Variants in TBC1D30 observed in about 807,000 individuals in gnomAD.
The protein encoded by TBC1D30 is TBC1 domain family member 30.
Under a neutral mutation model 63.2 loss-of-function variants are expected in TBC1D30, and 31 were observed. The observed-to-expected ratio is 0.49, with a 90% CI of 0.37 to 0.66. The LOEUF is 0.66. Among genes scored for constraint, TBC1D30 ranks in the 30% least tolerant of loss-of-function variants. TBC1D30 has a pLI of 0.00. For missense variants in TBC1D30, 810 were observed against 953.6 expected, an observed-to-expected ratio of 0.85 and a Z score of 1.98; for synonymous variants, 307 against 361.5, an observed-to-expected ratio of 0.85 and a Z score of 1.71.
At chr12:64,857,951 T>C (rs1427373479) in intron 8 of TBC1D30, among the ~76,000 whole-genome samples, 4 of 152,208 alleles carry the variant, frequency 2.6e-5, no homozygotes, top group African/African-American at 4.8e-5. Flanking sequence ...TTTCTCCATG[T>C]CTTATGGCCA....
intron 8 of TBC1D30, among the ~76,000 whole-genome samples, chr12:64,864,392 A>C (rs1878040677): frequency 6.6e-6 from 1 of 152,196 alleles, no homozygotes; most frequent in South Asian, 2.1e-4. Flanking sequence ...GAACAACAGG[A>C]GGAAATCAGA....
At chr12:64,762,596 A>G (rs186159782) in intron 1 of TBC1D30, among the ~76,000 whole-genome samples, 1 of 152,354 alleles carries the variant, frequency 6.6e-6, no homozygotes, top group Admixed American at 6.5e-5. Context: ...AAAACAAAAT[A>G]TAACGTTATA....
intron 8 of TBC1D30, among the ~76,000 whole-genome samples, chr12:64,845,722 G>A (rs1163198082): frequency 1.1e-4 from 6 of 53,518 alleles, no homozygotes; most frequent in Admixed American, 2.3e-4. Context: ...GTGAGACTCC[G>A]TCTCAAAAAA....
chr12:64,802,039 G>A (rs1167595198), intron 2 of TBC1D30, among the ~76,000 whole-genome samples: 1 of 152,064 alleles, frequency 6.6e-6, no homozygotes, highest in Non-Finnish European at 1.5e-5. Context: ...GCACGAACAA[G>A]TACTTGTTTG....
intron 2 of TBC1D30, among the ~76,000 whole-genome samples, chr12:64,807,578 C>T (rs1184777976): frequency 6.6e-6 from 1 of 152,122 alleles, no homozygotes; most frequent in African/African-American, 2.4e-5. Flanking sequence ...TCTCAAGTCA[C>T]ATGGGTAGTT....
Position 64,878,538 on chromosome 12 carries a change from C to T in TBC1D30, c.*2750C>T, listed in dbSNP as rs1323086606. The T allele has an allele frequency of 2.2e-6, 1 of 456,670 alleles. No individual in the cohort carries two copies. Among genetic ancestry groups the T allele is most frequent in the South Asian group, 1.5e-5 (1 of 64,554 alleles). The allele number at this position is 456,670 out of a possible 1,614,324, so 28.3% of individuals were successfully genotyped here. ...AGCAATGTCAGCCTGTGGACTGCAG[C>T]TGTTTGGGACATTGTATTCCTTTGT... On this transcript the variant is annotated 3_prime_UTR_variant, in exon 12 of 12. Coordinates refer to ENST00000539867, the MANE Select transcript of TBC1D30 (RefSeq NM_015279.2).
At chr12:64,857,351 C>T (rs897837024) in intron 8 of TBC1D30, among the ~76,000 whole-genome samples, 1 of 152,096 alleles carries the variant, frequency 6.6e-6, no homozygotes, top group Non-Finnish European at 1.5e-5. Context: ...CAGGGGTTCT[C>T]TTTTGGCCCA....
At chr12:64,807,363 A>T (rs936866938) in intron 2 of TBC1D30, among the ~76,000 whole-genome samples, 2 of 152,220 alleles carry the variant, frequency 1.3e-5, no homozygotes, top group Admixed American at 1.3e-4. Context: ...GCAGTTCTTT[A>T]TAGCAGCGTG....
intron 8 of TBC1D30, among the ~76,000 whole-genome samples, chr12:64,844,207 G>A (rs1031346588): frequency 7.2e-5 from 11 of 152,216 alleles, no homozygotes; most frequent in African/African-American, 2.6e-4. Context: ...TTCAACTCAG[G>A]TAATTATATA....
intron 2 of TBC1D30, among the ~76,000 whole-genome samples, chr12:64,804,842 C>T (rs1399568614): frequency 6.6e-6 from 1 of 151,598 alleles, no homozygotes; most frequent in Non-Finnish European, 1.5e-5. Flanking sequence ...CAACCCTCAA[C>T]CCTGTGATGT....
Position 64,877,569 on chromosome 12 carries a change from T to G in TBC1D30, c.*1781T>G, listed in dbSNP as rs957791450. On this transcript the variant is annotated 3_prime_UTR_variant, in exon 12 of 12. Coordinates refer to ENST00000539867, the MANE Select transcript of TBC1D30 (RefSeq NM_015279.2). ...CTAATAAGTTATTGCAGTTTTGGTCTTGAATTCTGTGCCATCTGAAGTTAG... is the reference window on the plus strand; with the variant it reads ...CTAATAAGTTATTGCAGTTTTGGTCGTGAATTCTGTGCCATCTGAAGTTAG... 1.3e-5 allele frequency: 2 copies of G among 152,206 alleles called. No homozygotes were observed. The highest frequency in any genetic ancestry group is 2.9e-5 in the Non-Finnish European group (2 of 68,046). The allele number at this position is 152,206 out of a possible 1,614,324, so 9.4% of individuals were successfully genotyped here.
chr12:64,878,265 A>G lies in TBC1D30; in HGVS notation c.*2477A>G. On this transcript the variant is annotated 3_prime_UTR_variant, in exon 12 of 12. Coordinates refer to ENST00000539867, the MANE Select transcript of TBC1D30 (RefSeq NM_015279.2). ...ATTGGTCAATTTATGAGCCTTGCCTACTTTAGAAAATAAAGAAACCTGCAG... is the reference window on the plus strand; with the variant it reads ...ATTGGTCAATTTATGAGCCTTGCCTGCTTTAGAAAATAAAGAAACCTGCAG... 1 of 331,620 alleles carries G rather than the reference A, an allele frequency of 3.0e-6. No individual in the cohort carries two copies. Among genetic ancestry groups the G allele is most frequent in the Non-Finnish European group, 6.0e-6 (1 of 166,760 alleles). 20.5% of individuals were successfully genotyped at this position (331,620 alleles called of 1,614,324 possible).
chr12:64,772,971 C>A (rs558156044), intron 1 of TBC1D30, among the ~76,000 whole-genome samples: 201 of 152,332 alleles, frequency 1.3e-3, no homozygotes, highest in Non-Finnish European at 2.5e-3. Context: ...TAGATACCCA[C>A]AATTCCTGTA....
chr12:64,839,487 C>T (rs184739613), intron 7 of TBC1D30, among the ~76,000 whole-genome samples: 36 of 152,214 alleles, frequency 2.4e-4, no homozygotes, highest in Non-Finnish European at 4.3e-4. Context: ...TTTTGGGTAA[C>T]GGAAGAAGCA....
At chr12:64,770,834 G>C (rs1326082042) in intron 1 of TBC1D30, among the ~76,000 whole-genome samples, 1 of 151,232 alleles carries the variant, frequency 6.6e-6, no homozygotes, top group East Asian at 1.9e-4. Context: ...CTCCCACGTA[G>C]CTGGGACTAC....
intron 2 of TBC1D30, among the ~76,000 whole-genome samples, chr12:64,818,070 A>T (rs909451274): frequency 6.6e-6 from 1 of 152,096 alleles, no homozygotes; most frequent in African/African-American, 2.4e-5. Flanking sequence ...CAAAAAAAAA[A>T]AAAAAAAATC....
intron 7 of TBC1D30, among the ~76,000 whole-genome samples, chr12:64,840,193 A>AC (rs1279322893): frequency 6.6e-6 from 1 of 151,692 alleles, no homozygotes; most frequent in Non-Finnish European, 1.5e-5. Context: ...ATCTTTCATT[A>AC]CCCCCCAATA....
At chr12:64,856,836 A>T (rs1304638795) in intron 8 of TBC1D30, among the ~76,000 whole-genome samples, 1 of 152,158 alleles carries the variant, frequency 6.6e-6, no homozygotes, top group Non-Finnish European at 1.5e-5. Flanking sequence ...TTCCCTCCCC[A>T]TACCACAGGC....
chr12:64,805,436 A>T (rs763586861), intron 2 of TBC1D30, among the ~76,000 whole-genome samples: 1 of 152,146 alleles, frequency 6.6e-6, no homozygotes, highest in Non-Finnish European at 1.5e-5. Context: ...TGGGTTCTGG[A>T]GTCCTGAATC....
Sources: gnomAD v4.1 joint callset for allele counts (sites outside exome capture counted in the v4.1 genomes callset) on GRCh38, gnomAD v4.1.1 for gene constraint, MANE v1.5 for transcripts, NCBI Gene and HGNC (gene_info 2026-07-23, HGNC 2026-07-21) for gene names.